NXPH1: variants seen among roughly 807,000 people sequenced by gnomAD.
NXPH1 encodes the protein neurexophilin 1, also known as neurexophilin-1.
A neutral mutation model predicts 23.7 loss-of-function variants in NXPH1; 5 were observed. The observed-to-expected ratio is 0.21, with a 90% CI of 0.11 to 0.44. NXPH1 has a LOEUF of 0.44. NXPH1 is among the 20% of genes least tolerant of loss of function. The probability of loss-of-function intolerance (pLI) is 0.99; values close to 1 mark genes in which losing one functional copy is unlikely to be tolerated. For missense variants in NXPH1, 324 were observed against 321.6 expected (o/e 1.01, Z -0.06); for synonymous variants, 144 against 122.2 (o/e 1.18, Z -1.18).
intron 2 of NXPH1, among the ~76,000 whole-genome samples, chr7:8,602,844 T>C (rs182536895): frequency 6.6e-6 from 1 of 152,292 alleles, no homozygotes; most frequent in African/African-American, 2.4e-5. Flanking sequence ...CTTGTGTCTT[T>C]TTTTTTGATG....
intron 2 of NXPH1, among the ~76,000 whole-genome samples, chr7:8,614,773 G>T (rs541342029): frequency 6.6e-6 from 1 of 152,084 alleles, no homozygotes; most frequent in African/African-American, 2.4e-5. Flanking sequence ...TCAAAATATA[G>T]GCTTAAATTG....
intron 2 of NXPH1, among the ~76,000 whole-genome samples, chr7:8,492,096 G>A (rs1235679144): frequency 6.6e-6 from 1 of 152,052 alleles, no homozygotes; most frequent in Non-Finnish European, 1.5e-5. Flanking sequence ...AAGGAAATAT[G>A]TGGCCATTGG....
chr7:8,555,489 A>G (rs945208180), intron 2 of NXPH1, among the ~76,000 whole-genome samples: 1 of 151,658 alleles, frequency 6.6e-6, no homozygotes, highest in African/African-American at 2.4e-5. Context: ...ACCAAGCATT[A>G]CATGACAGAA....
At chr7:8,626,173 A>C (rs1819982758) in intron 2 of NXPH1, among the ~76,000 whole-genome samples, 1 of 151,950 alleles carries the variant, frequency 6.6e-6, no homozygotes, top group African/African-American at 2.4e-5. Flanking sequence ...ATTTAACCTG[A>C]TGAGGAAAGT....
chr7:8,534,754 G>T (rs1163227298), intron 2 of NXPH1, among the ~76,000 whole-genome samples: 1 of 152,036 alleles, frequency 6.6e-6, no homozygotes, highest in East Asian at 1.9e-4. Flanking sequence ...ACAGCGCTGT[G>T]TCAGGTAGGC....
intron 2 of NXPH1, among the ~76,000 whole-genome samples, chr7:8,438,940 G>A (rs959875594): frequency 6.6e-6 from 1 of 152,154 alleles, no homozygotes; most frequent in Admixed American, 6.5e-5. Flanking sequence ...TCTGAAGCAT[G>A]TTAGCTGGAA....
intron 2 of NXPH1, among the ~76,000 whole-genome samples, chr7:8,453,119 A>G (rs914838936): frequency 6.6e-6 from 1 of 152,102 alleles, no homozygotes; most frequent in Non-Finnish European, 1.5e-5. Flanking sequence ...ACTTTCAAAG[A>G]TACTTTTTTA....
chr7:8,683,282 T>C (rs1175703646), intron 2 of NXPH1, among the ~76,000 whole-genome samples: 2 of 152,148 alleles, frequency 1.3e-5, no homozygotes, highest in African/African-American at 4.8e-5. Context: ...TCATCAGGGA[T>C]CCAACTCCAT....
intron 2 of NXPH1, among the ~76,000 whole-genome samples, chr7:8,620,782 T>C (rs1819851605): frequency 6.6e-6 from 1 of 152,232 alleles, no homozygotes; most frequent in Admixed American, 6.5e-5. Context: ...TCTGTATTCT[T>C]TCATAAATGG....
chr7:8,598,731 G>A (rs1819286938), intron 2 of NXPH1, among the ~76,000 whole-genome samples: 1 of 152,116 alleles, frequency 6.6e-6, no homozygotes, highest in South Asian at 2.1e-4. Context: ...TGATCTGCAG[G>A]GGGATGCAAA....
Position 8,448,815 on chromosome 7 carries a change from G to A in NXPH1, c.54+13048G>A, listed in dbSNP as rs537057702. Among the ~76,000 whole-genome samples the A allele has an allele frequency of 1.2e-3, 105 of 91,124 alleles. 1 individual carries two copies. Among genetic ancestry groups the A allele is most frequent in the African/African-American group, 6.5e-3 (92 of 14,092 alleles). The allele number at this position is 91,124 out of a possible 152,430, so 59.8% of individuals were successfully genotyped here. ...GGAAGACAGAGCAAGACTTCGTCTC[G>A]GGGAAAAAAAAAAAAAAAAAAAAAA... On this transcript the variant is annotated intron_variant, in intron 2 of 2. Transcript: ENST00000405863.
intron 2 of NXPH1, among the ~76,000 whole-genome samples, chr7:8,679,661 A>T (rs17153649): frequency 0.029 from 4,408 of 152,300 alleles, 203 homozygotes; most frequent in African/African-American, 0.096. Flanking sequence ...AATGTGTCTG[A>T]ATTGGGTGAA....
chr7:8,659,507 T>A (rs1820636074), intron 2 of NXPH1, among the ~76,000 whole-genome samples: 1 of 152,154 alleles, frequency 6.6e-6, no homozygotes. Flanking sequence ...CTGCATGTTC[T>A]CACTCATAGG....
chr7:8,650,383 G>C (rs543109271), intron 2 of NXPH1, among the ~76,000 whole-genome samples: 2 of 152,250 alleles, frequency 1.3e-5, no homozygotes, highest in South Asian at 2.1e-4. Flanking sequence ...TACCTTATGT[G>C]ATTTTTATAA....
chr7:8,686,039 T>C (rs1821141605), intron 2 of NXPH1, among the ~76,000 whole-genome samples: 2 of 152,134 alleles, frequency 1.3e-5, no homozygotes, highest in African/African-American at 2.4e-5. Flanking sequence ...TTCACAAATA[T>C]GTACAGCTAC....
intron 2 of NXPH1, among the ~76,000 whole-genome samples, chr7:8,616,267 ATCTTGTTC>A (rs1819736060): frequency 7.2e-6 from 1 of 138,390 alleles, no homozygotes; most frequent in Non-Finnish European, 1.5e-5. Flanking sequence ...AAGTCTTTTG[ATCTTGTTC>A]TCTGCCCAAA....
At chr7:8,528,065 A>G (rs534929800) in intron 2 of NXPH1, among the ~76,000 whole-genome samples, 7 of 152,368 alleles carry the variant, frequency 4.6e-5, no homozygotes, top group African/African-American at 1.7e-4. Context: ...ACCTAGCTCC[A>G]AAAGCACAAT....
intron 2 of NXPH1, among the ~76,000 whole-genome samples, chr7:8,559,484 A>G (rs775422574): frequency 1.4e-4 from 21 of 151,672 alleles, no homozygotes; most frequent in South Asian, 6.2e-4. Flanking sequence ...AAAAATATAA[A>G]TTCTTTTGGT....
At chr7:8,742,087 A>G (rs547645307) in intron 2 of NXPH1, among the ~76,000 whole-genome samples, 2 of 152,314 alleles carry the variant, frequency 1.3e-5, no homozygotes, top group South Asian at 4.1e-4. Flanking sequence ...TGTAAGATTC[A>G]GAGTGCCTGA....
Sources: gnomAD v4.1 joint callset for allele counts (sites outside exome capture counted in the v4.1 genomes callset) on GRCh38, gnomAD v4.1.1 for gene constraint, MANE v1.5 for transcripts, NCBI Gene and HGNC (gene_info 2026-07-23, HGNC 2026-07-21) for gene names.